PTPRJ: variants seen among roughly 807,000 people sequenced by gnomAD.
The protein encoded by PTPRJ is protein tyrosine phosphatase receptor type J, also known as receptor-type tyrosine-protein phosphatase eta.
Under a neutral mutation model 141.3 loss-of-function variants are expected in PTPRJ, and 129 were observed. That is an observed-to-expected ratio of 0.91 (90% CI 0.79 to 1.06). The LOEUF (loss-of-function observed/expected upper bound fraction) is 1.06, where lower values mean the gene tolerates loss of function less well. Among genes scored for constraint, PTPRJ ranks in the 50% least tolerant of loss-of-function variants. The pLI, the probability that PTPRJ is intolerant of heterozygous loss-of-function variation, is 0.00. For synonymous variants in PTPRJ, 610 were observed against 640.5 expected (o/e 0.95, Z 0.72); for missense variants, 1,601 against 1,679.7 (o/e 0.95, Z 0.82).
chr11:48,161,655 C>T (rs1245960737), intron 22 of PTPRJ, among the ~76,000 whole-genome samples: 1 of 151,868 alleles, frequency 6.6e-6, no homozygotes, highest in African/African-American at 2.4e-5. Context: ...CTCTGTCATC[C>T]AGGCTGGAGT....
At position 48,103,967 on chromosome 11, in the gene PTPRJ, C is replaced by T. The variant is rs573496192; in HGVS notation, c.97-6091C>T. On this transcript the variant is annotated intron_variant, in intron 1 of 24. Transcript: ENST00000418331. Reference sequence around the variant, plus strand: ...CAGGGTGGTTGGTTCTCGTTCCTTCCACCGAAGCCTTCCATGGCATTTTTG... The same window carrying T: ...CAGGGTGGTTGGTTCTCGTTCCTTCTACCGAAGCCTTCCATGGCATTTTTG... Among the ~76,000 whole-genome samples the T allele has an allele frequency of 3.3e-5, 5 of 152,358 alleles. No homozygotes were observed. In the South Asian group the frequency reaches 1.0e-3, roughly 32 times the overall value.
At chr11:48,033,933 C>T (rs971806629) in intron 1 of PTPRJ, among the ~76,000 whole-genome samples, 1 of 152,200 alleles carries the variant, frequency 6.6e-6, no homozygotes, top group Non-Finnish European at 1.5e-5. Context: ...GTTCAGCAAA[C>T]GCTTCACTTC....
intron 15 of PTPRJ, among the ~76,000 whole-genome samples, chr11:48,148,551 T>C (rs4752906): frequency 0.98 from 149,493 of 152,188 alleles, 73,483 homozygotes; most frequent in Middle Eastern, 1. Flanking sequence ...GATTCTCCTG[T>C]CTCAGCCTCC....
intron 18 of PTPRJ, among the ~76,000 whole-genome samples, chr11:48,153,161 T>A (rs531532726): frequency 6.6e-6 from 1 of 152,100 alleles, no homozygotes; most frequent in Admixed American, 6.5e-5. Context: ...AGATGGGAGC[T>A]GAATCTCAAA....
chr11:47,981,331 G>C (rs934340369), intron 1 of PTPRJ, among the ~76,000 whole-genome samples: 9 of 152,280 alleles, frequency 5.9e-5, no homozygotes, highest in Admixed American at 1.3e-4. Context: ...TGGCGGGCAC[G>C]GGCCCGGCTT....
intron 12 of PTPRJ, among the ~76,000 whole-genome samples, chr11:48,143,466 G>A (rs1639066968): frequency 6.6e-6 from 1 of 152,100 alleles, no homozygotes; most frequent in African/African-American, 2.4e-5. Flanking sequence ...CCTTTTAGGT[G>A]GTAGAATATT....
chr11:48,141,931 C>T (rs1305227685), intron 11 of PTPRJ, among the ~76,000 whole-genome samples: 1 of 141,154 alleles, frequency 7.1e-6, no homozygotes, highest in African/African-American at 2.5e-5. Flanking sequence ...AAGCTCTTCC[C>T]CAATGTGTTT....
intron 24 of PTPRJ, among the ~76,000 whole-genome samples, chr11:48,165,886 G>C (rs1044023078): frequency 1.3e-5 from 2 of 150,626 alleles, no homozygotes; most frequent in Admixed American, 1.3e-4. Flanking sequence ...TTTTGAGACG[G>C]AGACTTGCTC....
chr11:48,113,200 A>G (rs946751115), intron 3 of PTPRJ, among the ~76,000 whole-genome samples: 7 of 152,256 alleles, frequency 4.6e-5, no homozygotes. Context: ...ATCACTTGAT[A>G]TACGAGTTTT....
chr11:48,012,764 T>C (rs1477810676), intron 1 of PTPRJ, among the ~76,000 whole-genome samples: 1 of 152,144 alleles, frequency 6.6e-6, no homozygotes, highest in Non-Finnish European at 1.5e-5. Context: ...AATACTAGCT[T>C]TACTGAGATA....
chr11:48,143,083 A>G lies in PTPRJ; in HGVS notation c.2575+33A>G, dbSNP rs372063537. 2.5e-6 allele frequency: 4 copies of G among 1,612,536 alleles called. No individual in the cohort carries two copies. In the East Asian group the frequency reaches 6.7e-5, roughly 27 times the overall value. ...GAGGCCTCCGTGGGTTAAACAGCCC[A>G]TGAGTGATGCAGTGACCAGAGCTTT... On this transcript the variant is annotated intron_variant, in intron 12 of 24. Coordinates refer to ENST00000418331, the MANE Select transcript of PTPRJ (RefSeq NM_002843.4).
At chr11:47,998,189 G>T (rs756400879) in intron 1 of PTPRJ, among the ~76,000 whole-genome samples, 1 of 151,164 alleles carries the variant, frequency 6.6e-6, no homozygotes, top group African/African-American at 2.4e-5. Flanking sequence ...GTCATATACC[G>T]TGTGCTGGGC....
chr11:48,015,796 G>T (rs1232220260), intron 1 of PTPRJ: 3 of 147,146 alleles, frequency 2.0e-5, no homozygotes, highest in African/African-American at 7.6e-5. Context: ...GGAGGTTGCA[G>T]TGAGCCAAGA....
At chr11:48,122,315 C>T (rs1210427884) in intron 4 of PTPRJ, among the ~76,000 whole-genome samples, 1 of 152,110 alleles carries the variant, frequency 6.6e-6, no homozygotes, top group African/African-American at 2.4e-5. Context: ...GTCATGAGGA[C>T]AAGGTGACCC....
chr11:48,066,554 GTATTATTATTATTAT>G (rs58097315), intron 1 of PTPRJ, among the ~76,000 whole-genome samples: 8,254 of 133,818 alleles, frequency 0.062, 309 homozygotes, highest in Middle Eastern at 0.086. Context: ...TTATCCAGTC[GTATTATTATTATTAT>G]TATTATTATT....
intron 1 of PTPRJ, chr11:48,015,958 G>A (rs1433536411): frequency 6.6e-6 from 1 of 151,932 alleles, no homozygotes; most frequent in Non-Finnish European, 1.5e-5. Context: ...CAGCTCTCCT[G>A]GCCCCACCCT....
At chr11:48,083,809 A>G (rs1001896205) in intron 1 of PTPRJ, among the ~76,000 whole-genome samples, 4 of 152,214 alleles carry the variant, frequency 2.6e-5, no homozygotes, top group African/African-American at 9.6e-5. Context: ...CTTAGTCTAG[A>G]CCCATGGTTC....
At chr11:48,025,136 G>C (rs773430768) in intron 1 of PTPRJ, among the ~76,000 whole-genome samples, 4 of 152,110 alleles carry the variant, frequency 2.6e-5, no homozygotes, top group South Asian at 4.1e-4. Flanking sequence ...GGAATCTAGG[G>C]GGGGCATACA....
chr11:48,148,109 T>C (rs1342272465), intron 15 of PTPRJ, among the ~76,000 whole-genome samples: 1 of 152,082 alleles, frequency 6.6e-6, no homozygotes, highest in African/African-American at 2.4e-5. Context: ...CCTCCTGAAG[T>C]GTTGGGATCA....
Sources: gnomAD v4.1 joint callset for allele counts (sites outside exome capture counted in the v4.1 genomes callset) on GRCh38, gnomAD v4.1.1 for gene constraint, MANE v1.5 for transcripts, NCBI Gene and HGNC (gene_info 2026-07-23, HGNC 2026-07-21) for gene names.